The following AHCYL2 variants were observed in gnomAD, a reference collection of about 807,000 sequenced individuals.
AHCYL2 encodes the protein S-adenosylhomocysteine hydrolase-like protein 2.
AHCYL2 carries 28 observed loss-of-function variants against 81.4 expected under a neutral mutation model. The observed-to-expected ratio is 0.34, with a 90% confidence interval of 0.25 to 0.47. AHCYL2 has a LOEUF of 0.47. Ranked by LOEUF, AHCYL2 falls within the 20% of genes least tolerant of loss-of-function variation. The pLI, the probability that AHCYL2 is intolerant of heterozygous loss-of-function variation, is 1.00. For missense variants in AHCYL2, 551 were observed against 785.1 expected, an observed-to-expected ratio of 0.70 and a Z score of 3.56; for synonymous variants, 272 against 290.2, an observed-to-expected ratio of 0.94 and a Z score of 0.64.
chr7:129,428,842 C>T lies in AHCYL2; in HGVS notation c.*1797C>T, dbSNP rs1444884662. On this transcript the variant is annotated 3_prime_UTR_variant, in exon 17 of 17. Transcript: ENST00000325006. ...CAGAGGCCATATGTCTCAGCAAGTA[C>T]TGGTTATATTCTTTTTTTGTAAGGA... is the stretch of plus-strand genomic sequence containing the variant. 2 of 152,184 alleles carry T rather than the reference C, an allele frequency of 1.3e-5. No individual in the cohort carries two copies. The highest frequency in any genetic ancestry group is 2.9e-5 in the Non-Finnish European group (2 of 68,036). 9.4% of individuals were successfully genotyped at this position (152,184 alleles called of 1,614,324 possible).
intron 12 of AHCYL2, among the ~76,000 whole-genome samples, chr7:129,420,860 T>C (rs1049163900): frequency 1.3e-5 from 2 of 152,202 alleles, no homozygotes; most frequent in African/African-American, 4.8e-5. Flanking sequence ...AATTTTAAAG[T>C]AATACTTGCT....
chr7:129,263,930 G>A (rs766048717), intron 1 of AHCYL2, among the ~76,000 whole-genome samples: 5 of 152,224 alleles, frequency 3.3e-5, no homozygotes, highest in South Asian at 2.1e-4. Context: ...AAGGAAGAGA[G>A]TTATGTCCAG....
At chr7:129,388,966 T>G (rs1301025416) in intron 2 of AHCYL2, 90 bp from the exon 3 acceptor site, 11 of 1,506,798 alleles carry the variant, frequency 7.3e-6, no homozygotes, top group Non-Finnish European at 9.9e-6. Context: ...TGGTGCTAGG[T>G]GGCTAGAGAA....
At chr7:129,310,928 T>C (rs1264283086) in intron 1 of AHCYL2, among the ~76,000 whole-genome samples, 3 of 151,648 alleles carry the variant, frequency 2.0e-5, no homozygotes, top group Admixed American at 6.6e-5. Context: ...CTGGGCAACA[T>C]GGTGAAACCC....
chr7:129,372,763 C>T (rs866293833), intron 1 of AHCYL2, among the ~76,000 whole-genome samples: 2 of 151,932 alleles, frequency 1.3e-5, no homozygotes, highest in African/African-American at 2.4e-5. Context: ...TGCAGTGAGC[C>T]GAGATGGCAC....
chr7:129,295,360 G>A (rs187789466), intron 1 of AHCYL2, among the ~76,000 whole-genome samples: 10 of 152,306 alleles, frequency 6.6e-5, no homozygotes, highest in South Asian at 2.1e-4. Context: ...AAAATGTTAC[G>A]TATGAGTCAG....
Position 129,427,559 on chromosome 7 carries a change from A to G in AHCYL2, c.*514A>G, listed in dbSNP as rs1797415898. 1 of 153,304 alleles carries G rather than the reference A, an allele frequency of 6.5e-6. No individual in the cohort carries two copies. Among genetic ancestry groups the G allele is most frequent in the Non-Finnish European group, 1.5e-5 (1 of 68,586 alleles). 9.5% of individuals were successfully genotyped at this position (153,304 alleles called of 1,614,324 possible). A position where few individuals can be genotyped will look rare whatever the true frequency, so the allele number is the denominator to read the frequency against. On this transcript the variant is annotated 3_prime_UTR_variant, in exon 17 of 17. Coordinates refer to ENST00000325006, the MANE Select transcript of AHCYL2 (RefSeq NM_015328.4). This position sits in a 1 kb window ranked among gnomAD's most constrained non-coding sequence, Gnocchi z 5.5. ...CACTATCACTGCCTTCTTTATATAAAGGCTAATAAGGAAGGAGTGTTATTT... is the reference window on the plus strand; with the variant it reads ...CACTATCACTGCCTTCTTTATATAAGGGCTAATAAGGAAGGAGTGTTATTT...
At chr7:129,259,850 G>C (rs959951409) in intron 1 of AHCYL2, among the ~76,000 whole-genome samples, 2 of 152,162 alleles carry the variant, frequency 1.3e-5, no homozygotes, top group Non-Finnish European at 2.9e-5. Context: ...GTTGAAGCAG[G>C]CAGATCATCT....
chr7:129,390,968 T>A (rs928416827), intron 4 of AHCYL2, among the ~76,000 whole-genome samples: 2 of 152,192 alleles, frequency 1.3e-5, no homozygotes, highest in Non-Finnish European at 2.9e-5. Context: ...CAGGTACATA[T>A]AATCTTTAAA....
intron 1 of AHCYL2, among the ~76,000 whole-genome samples, chr7:129,365,083 G>A (rs1728239795): frequency 6.6e-6 from 1 of 152,126 alleles, no homozygotes; most frequent in Non-Finnish European, 1.5e-5. Context: ...GCAAATCAAA[G>A]TAGGCTAAGC....
chr7:129,230,047 T>G (rs1027620589), intron 1 of AHCYL2, among the ~76,000 whole-genome samples: 1 of 151,952 alleles, frequency 6.6e-6, no homozygotes, highest in Non-Finnish European at 1.5e-5. Context: ...GGCATTGTAC[T>G]TAGAGCTTTA....
In AHCYL2 at chr7:129,400,341, G is replaced by A; in HGVS notation, c.875G>A (p.Cys292Tyr). The change falls in exon 6 of 17, where the codon TGT becomes TAT. Residue 292 changes from cysteine to tyrosine, a missense_variant. Cys to Tyr is a radical substitution (Grantham distance 194, BLOSUM62 -2). Around this residue, in one of 2 missense-constraint regions of AHCYL2, gnomAD observed 316 missense variants for 543.1 expected, o/e 0.58. Coordinates refer to ENST00000325006, the MANE Select transcript of AHCYL2 (RefSeq NM_015328.4). The part of the protein sequence containing the change: ...KGESEDDFWW[C>Y]IDRCVNVEGW... Reference sequence around the variant, plus strand: ...GAGTCAGAAGATGACTTTTGGTGGTGTATCGATAGATGTGTGAATGTGGAG... The same window carrying A: ...GAGTCAGAAGATGACTTTTGGTGGTATATCGATAGATGTGTGAATGTGGAG... 6.2e-7 allele frequency: 1 copy of A among 1,613,494 alleles called. No homozygotes were observed.
intron 1 of AHCYL2, among the ~76,000 whole-genome samples, chr7:129,307,838 G>C (rs1016198315): frequency 2.6e-5 from 4 of 151,766 alleles, no homozygotes; most frequent in South Asian, 2.1e-4. Context: ...AATCCTGCCA[G>C]GACTGTTTCC....
intron 1 of AHCYL2, among the ~76,000 whole-genome samples, chr7:129,376,554 T>C (rs752697245): frequency 1.8e-4 from 28 of 152,188 alleles, no homozygotes; most frequent in Non-Finnish European, 3.8e-4. Context: ...GAAAACACTA[T>C]AGAGAAGACA....
At position 129,424,907 on chromosome 7, in the gene AHCYL2, C is replaced by A. The variant is rs765210532; in HGVS notation, c.1594C>A (p.Pro532Thr). 3.1e-6 allele frequency: 5 copies of A among 1,613,464 alleles called. No individual in the cohort carries two copies. The highest frequency in any genetic ancestry group is 1.3e-5 in the African/African-American group (1 of 74,910). ...RLLNLSCSTVPTFVLSITATT... is the reference protein window; with the variant it reads ...RLLNLSCSTVTTFVLSITATT... Reference sequence around the variant, plus strand: ...GCTGAACCTTAGCTGCTCCACAGTGCCTACATTTGTGCTCTCAATCACTGC... The same window carrying A: ...GCTGAACCTTAGCTGCTCCACAGTGACTACATTTGTGCTCTCAATCACTGC... The change falls in exon 14 of 17, where the codon CCT becomes ACT. Residue 532 changes from proline to threonine, a missense_variant. Coordinates refer to ENST00000325006, the MANE Select transcript of AHCYL2 (RefSeq NM_015328.4).
At chr7:129,264,339 A>G (rs1412878111) in intron 1 of AHCYL2, among the ~76,000 whole-genome samples, 3 of 152,208 alleles carry the variant, frequency 2.0e-5, no homozygotes, top group African/African-American at 7.2e-5. Flanking sequence ...TATTTTAGAC[A>G]TTGAGTTTGA....
intron 1 of AHCYL2, among the ~76,000 whole-genome samples, chr7:129,263,401 A>G (rs1795709981): frequency 2.6e-5 from 4 of 152,238 alleles, no homozygotes; most frequent in African/African-American, 9.6e-5. Context: ...CAAACTTGAT[A>G]TCAACTGGAC....
At chr7:129,362,861 T>A (rs1478353924) in intron 1 of AHCYL2, among the ~76,000 whole-genome samples, 1 of 152,088 alleles carries the variant, frequency 6.6e-6, no homozygotes, top group Non-Finnish European at 1.5e-5. Flanking sequence ...TTCATCACCT[T>A]TTGATTAAAA....
chr7:129,365,413 T>C (rs1344279638), intron 1 of AHCYL2, among the ~76,000 whole-genome samples: 2 of 152,098 alleles, frequency 1.3e-5, no homozygotes, highest in Non-Finnish European at 2.9e-5. Flanking sequence ...ATGTACCCTT[T>C]TAAAATCCTT....
Sources: allele counts gnomAD v4.1 joint callset (sites outside exome capture counted in the v4.1 genomes callset), GRCh38; gene constraint gnomAD v4.1.1; regional missense constraint gnomAD v4.1.1; non-coding constraint Gnocchi (gnomAD v3.1); transcripts MANE v1.5; gene names NCBI Gene and HGNC (gene_info 2026-07-23, HGNC 2026-07-21).